The following DCLK1 variants were observed in gnomAD, a reference collection of about 807,000 sequenced individuals.
DCLK1 encodes the protein serine/threonine-protein kinase DCLK1.
Under a neutral mutation model 86.2 loss-of-function variants are expected in DCLK1, and 16 were observed. The observed-to-expected ratio is 0.19, with a 90% confidence interval of 0.13 to 0.28. DCLK1 has a LOEUF of 0.28. DCLK1 is among the 10% of genes least tolerant of loss of function. The probability of loss-of-function intolerance (pLI) is 1.00; values close to 1 mark genes in which losing one functional copy is unlikely to be tolerated. For synonymous variants in DCLK1, 369 were observed against 370.5 expected, an observed-to-expected ratio of 1.00 and a Z score of 0.05; for missense variants, 590 against 940.2, an observed-to-expected ratio of 0.63 and a Z score of 4.87.
rs568237364 is a variant in DCLK1 at position 36,058,905 on chromosome 13, G to A, written c.723+52964C>T. Among the ~76,000 whole-genome samples the A allele has an allele frequency of 3.3e-5, 5 of 152,248 alleles. No individual in the cohort carries two copies. In the South Asian group the frequency reaches 1.0e-3, roughly 32 times the overall value. ...CATCCAATATCCCTTATTTTTCTCA[G>A]GAATAAGTTAGTAATGATCAGAATA... is the stretch of plus-strand genomic sequence containing the variant. On this transcript the variant is annotated intron_variant, in intron 3 of 16. Coordinates refer to ENST00000360631, the MANE Select transcript of DCLK1 (RefSeq NM_001330071.2).
At chr13:35,781,037 C>A (rs528304612) in intron 16 of DCLK1, among the ~76,000 whole-genome samples, 1 of 152,268 alleles carries the variant, frequency 6.6e-6, no homozygotes, top group South Asian at 2.1e-4. Context: ...TTCGTTCTGA[C>A]ATTAAATTGG....
intron 4 of DCLK1, among the ~76,000 whole-genome samples, chr13:35,892,354 C>G (rs1873697587): frequency 6.6e-6 from 1 of 152,204 alleles, no homozygotes; most frequent in African/African-American, 2.4e-5. Flanking sequence ...TATTAACCCC[C>G]ACTGTATGAG....
intron 7 of DCLK1, among the ~76,000 whole-genome samples, chr13:35,838,146 AG>A (rs2153107798): frequency 6.6e-6 from 1 of 152,276 alleles, no homozygotes; most frequent in South Asian, 2.1e-4. Flanking sequence ...TTTCATTCAA[AG>A]GATACAAAAC....
At chr13:35,794,258 T>G (rs1926457) in intron 15 of DCLK1, among the ~76,000 whole-genome samples, 17,185 of 152,264 alleles carry the variant, frequency 0.11, 1,740 homozygotes, top group African/African-American at 0.27. Context: ...GACTGTGTTT[T>G]GCTCACTATA....
At chr13:36,126,488 C>A (rs551904142) in intron 1 of DCLK1, among the ~76,000 whole-genome samples, 199 of 152,162 alleles carry the variant, frequency 1.3e-3, no homozygotes, top group Non-Finnish European at 2.4e-3. Flanking sequence ...GGTCTTGAAT[C>A]CCTGGCCTCA....
intron 9 of DCLK1, among the ~76,000 whole-genome samples, chr13:35,827,980 T>C (rs1868623859): frequency 6.6e-6 from 1 of 152,172 alleles, no homozygotes; most frequent in Admixed American, 6.5e-5. Flanking sequence ...AACTACAGTT[T>C]CATAGCAAAG....
chr13:36,088,061 T>C (rs1247332987), intron 3 of DCLK1, among the ~76,000 whole-genome samples: 1 of 152,242 alleles, frequency 6.6e-6, no homozygotes, highest in Non-Finnish European at 1.5e-5. Context: ...TTCTTCATCA[T>C]TGAAGACTAA....
At chr13:35,944,476 G>A (rs954051916) in intron 4 of DCLK1, among the ~76,000 whole-genome samples, 5 of 152,174 alleles carry the variant, frequency 3.3e-5, no homozygotes, top group Non-Finnish European at 4.4e-5. Flanking sequence ...AATCATGCTC[G>A]GAGCACTTAA....
chr13:36,111,800 G>C, intron 3 of DCLK1, 69 bp downstream of exon 3: 1 of 1,412,446 alleles, frequency 7.1e-7, no homozygotes, highest in Non-Finnish European at 9.7e-7. Flanking sequence ...GTATGCTTTA[G>C]CCACGTACAC....
chr13:36,050,661 T>C (rs2153157087), intron 3 of DCLK1, among the ~76,000 whole-genome samples: 1 of 152,344 alleles, frequency 6.6e-6, no homozygotes, highest in Non-Finnish European at 1.5e-5. Context: ...TACCAAAGGA[T>C]TAACTTAATC....
intron 3 of DCLK1, among the ~76,000 whole-genome samples, chr13:36,108,787 G>A (rs2138183129): frequency 6.6e-6 from 1 of 152,280 alleles, no homozygotes; most frequent in African/African-American, 2.4e-5. Context: ...TTGATGTGAG[G>A]GTTCAGTTAA....
chr13:36,050,857 T>C (rs1362550315), intron 3 of DCLK1, among the ~76,000 whole-genome samples: 1 of 152,148 alleles, frequency 6.6e-6, no homozygotes, highest in Non-Finnish European at 1.5e-5. Context: ...AGGACATCCC[T>C]TGCTCTCTGG....
intron 3 of DCLK1, among the ~76,000 whole-genome samples, chr13:36,047,337 A>G (rs1267897259): frequency 6.6e-6 from 1 of 152,212 alleles, no homozygotes; most frequent in Non-Finnish European, 1.5e-5. Context: ...TGTATATATC[A>G]AAGGATATGA....
chr13:36,122,749 G>C (rs772586402), intron 2 of DCLK1, among the ~76,000 whole-genome samples: 1 of 152,110 alleles, frequency 6.6e-6, no homozygotes, highest in Non-Finnish European at 1.5e-5. Flanking sequence ...AAGCAAACAA[G>C]AGTGTCACCT....
intron 4 of DCLK1, among the ~76,000 whole-genome samples, chr13:35,872,314 A>G (rs1872328494): frequency 6.6e-6 from 1 of 152,206 alleles, no homozygotes; most frequent in Admixed American, 6.5e-5. Flanking sequence ...TTGTCTATGC[A>G]TTTATATATT....
At chr13:36,122,829 C>T (rs1776763376) in intron 2 of DCLK1, among the ~76,000 whole-genome samples, 2 of 152,144 alleles carry the variant, frequency 1.3e-5, no homozygotes, top group African/African-American at 4.8e-5. Flanking sequence ...AGGTGACACA[C>T]ATACAATCAT....
chr13:35,839,393 C>A (rs183360742), intron 6 of DCLK1, among the ~76,000 whole-genome samples: 133 of 152,278 alleles, frequency 8.7e-4, no homozygotes, highest in African/African-American at 3.0e-3. Context: ...CAGGATCAAG[C>A]TGGTTATTGT....
At chr13:36,003,304 C>T (rs1224978772) in intron 3 of DCLK1, among the ~76,000 whole-genome samples, 7 of 151,396 alleles carry the variant, frequency 4.6e-5, no homozygotes, top group African/African-American at 7.3e-5. Context: ...CTAGTGCATG[C>T]GTGTGTGTGT....
intron 4 of DCLK1, among the ~76,000 whole-genome samples, chr13:35,900,044 C>G (rs555929569): frequency 6.6e-6 from 1 of 151,870 alleles, no homozygotes; most frequent in Admixed American, 6.6e-5. Context: ...TTAATTAGCA[C>G]AGAAACTGTA....
Sources: gnomAD v4.1 joint callset for allele counts (sites outside exome capture counted in the v4.1 genomes callset) on GRCh38, gnomAD v4.1.1 for gene constraint, MANE v1.5 for transcripts, NCBI Gene and HGNC (gene_info 2026-07-23, HGNC 2026-07-21) for gene names.